WWOX: variants seen among roughly 807,000 people sequenced by gnomAD.
WWOX encodes the protein WW domain-containing oxidoreductase.
In WWOX, 69 loss-of-function variants were observed where a neutral mutation model predicts 46.2. The observed-to-expected ratio is 1.49, with a 90% CI of 1.23 to 1.82. The LOEUF is 1.82. Ranked by LOEUF, WWOX falls within the 40% of genes most tolerant of loss-of-function variation. The pLI, the probability that WWOX is intolerant of heterozygous loss-of-function variation, is 0.00. For synonymous variants in WWOX, 359 were observed against 202.6 expected, an observed-to-expected ratio of 1.77 and a Z score of -6.56; for missense variants, 919 against 542.6, an observed-to-expected ratio of 1.69 and a Z score of -6.89.
intron 8 of WWOX, among the ~76,000 whole-genome samples, chr16:78,760,166 C>T (rs1021705858): frequency 1.3e-5 from 2 of 152,170 alleles, no homozygotes; most frequent in African/African-American, 2.4e-5. Context: ...GCACATCTCA[C>T]ACGGCAGCAG....
intron 8 of WWOX, among the ~76,000 whole-genome samples, chr16:78,543,851 A>G (rs1374401670): frequency 1.3e-5 from 2 of 152,160 alleles, no homozygotes; most frequent in Non-Finnish European, 2.9e-5. Flanking sequence ...CTTCCTGCTT[A>G]TGACTCTGAA....
chr16:79,020,991 A>C (rs528668646), intron 8 of WWOX, among the ~76,000 whole-genome samples: 1 of 152,318 alleles, frequency 6.6e-6, no homozygotes, highest in East Asian at 1.9e-4. Context: ...AGGTCACCCC[A>C]AGTTATTCAG....
chr16:79,059,951 G>T (rs181940989), intron 8 of WWOX, among the ~76,000 whole-genome samples: 1 of 152,022 alleles, frequency 6.6e-6, no homozygotes, highest in Admixed American at 6.6e-5. Flanking sequence ...ACACTGAGAG[G>T]TCATTCATTT....
intron 8 of WWOX, among the ~76,000 whole-genome samples, chr16:78,653,078 C>A (rs947174499): frequency 6.6e-6 from 1 of 151,832 alleles, no homozygotes; most frequent in African/African-American, 2.4e-5. Flanking sequence ...TATTTTGTTG[C>A]ATGTTCTTTT....
chr16:79,181,343 A>G (rs566532971), intron 8 of WWOX, among the ~76,000 whole-genome samples: 16 of 152,324 alleles, frequency 1.1e-4, no homozygotes, highest in African/African-American at 3.8e-4. Context: ...TCCTCTGTTT[A>G]TGGGCATTCC....
At position 78,132,047 on chromosome 16, in the gene WWOX, C is replaced by G. The variant is rs373405252; in HGVS notation, c.409+16893C>G. ...TTTTTCTTTTTTTTTTTTTTTGAGA[C>G]AGAGTCTCACTCTGTCGCCCAGGCT... On this transcript the variant is annotated intron_variant, in intron 4 of 8. Transcript: ENST00000566780. Among the ~76,000 whole-genome samples, 1,043 of 123,852 alleles carry G rather than the reference C, an allele frequency of 8.4e-3. 26 individuals carry two copies. The highest frequency in any genetic ancestry group is 0.031 in the African/African-American group (1,009 of 32,040). 81.3% of individuals were successfully genotyped at this position (123,852 alleles called of 152,430 possible).
chr16:79,032,430 AGT>A (rs1449852217), intron 8 of WWOX, among the ~76,000 whole-genome samples: 1 of 147,214 alleles, frequency 6.8e-6, no homozygotes, highest in Non-Finnish European at 1.5e-5. Context: ...TTATGTTGAG[AGT>A]GTATATATTA....
intron 8 of WWOX, among the ~76,000 whole-genome samples, chr16:78,975,855 AC>A (rs1221606614): frequency 2.6e-5 from 4 of 151,968 alleles, no homozygotes; most frequent in African/African-American, 9.7e-5. Flanking sequence ...AACCGTAAGG[AC>A]CCTTGCCATT....
chr16:78,934,364 C>T (rs1357488128), intron 8 of WWOX, among the ~76,000 whole-genome samples: 5 of 111,612 alleles, frequency 4.5e-5, no homozygotes, highest in Non-Finnish European at 9.5e-5. Context: ...AGAAACTTAG[C>T]CAGGTGTGGT....
At chr16:78,116,129 T>G (rs1199366700) in intron 4 of WWOX, among the ~76,000 whole-genome samples, 2 of 152,228 alleles carry the variant, frequency 1.3e-5, no homozygotes, top group Non-Finnish European at 2.9e-5. Flanking sequence ...CCCTCAAGAA[T>G]TTATCCTTTG....
At chr16:78,629,236 T>G (rs2046374861) in intron 8 of WWOX, among the ~76,000 whole-genome samples, 1 of 151,612 alleles carries the variant, frequency 6.6e-6, no homozygotes, top group African/African-American at 2.4e-5. Flanking sequence ...TCTTGGGTAT[T>G]TTATTTTTTT....
chr16:78,411,190 T>C (rs1466468529), intron 6 of WWOX, among the ~76,000 whole-genome samples: 1 of 152,146 alleles, frequency 6.6e-6, no homozygotes, highest in South Asian at 2.1e-4. Flanking sequence ...TACACAAAAG[T>C]ATGAAAACCA....
At chr16:79,200,699 A>G (rs2051330501) in intron 8 of WWOX, among the ~76,000 whole-genome samples, 1 of 151,818 alleles carries the variant, frequency 6.6e-6, no homozygotes, top group Non-Finnish European at 1.5e-5. Context: ...TGAGCCTCAC[A>G]CTCCCTGGAC....
At chr16:78,604,100 C>A (rs1036663466) in intron 8 of WWOX, among the ~76,000 whole-genome samples, 2 of 151,984 alleles carry the variant, frequency 1.3e-5, no homozygotes, top group African/African-American at 2.4e-5. Context: ...GCTGTGATCA[C>A]GCCACTGAAT....
At chr16:78,665,777 T>C (rs553718808) in intron 8 of WWOX, among the ~76,000 whole-genome samples, 6 of 152,258 alleles carry the variant, frequency 3.9e-5, no homozygotes, top group African/African-American at 1.4e-4. Flanking sequence ...CTCCACCTCC[T>C]GGGTTCGAGT....
chr16:78,292,179 C>G (rs137994286), intron 5 of WWOX, among the ~76,000 whole-genome samples: 142 of 151,744 alleles, frequency 9.4e-4, no homozygotes, highest in African/African-American at 3.4e-3. Flanking sequence ...GTTTGCCACC[C>G]TCTGATCTAC....
At chr16:78,135,221 A>G (rs1435986612) in intron 4 of WWOX, among the ~76,000 whole-genome samples, 1 of 152,182 alleles carries the variant, frequency 6.6e-6, no homozygotes, top group Non-Finnish European at 1.5e-5. Flanking sequence ...TACCTAGCAA[A>G]GTGTTCACAT....
At chr16:78,983,479 G>C (rs919065823) in intron 8 of WWOX, among the ~76,000 whole-genome samples, 2 of 152,198 alleles carry the variant, frequency 1.3e-5, no homozygotes, top group Non-Finnish European at 2.9e-5. Context: ...TAATAGGAAA[G>C]ACCATCATGC....
intron 8 of WWOX, among the ~76,000 whole-genome samples, chr16:78,939,142 C>T (rs1567662877): frequency 6.6e-6 from 1 of 152,172 alleles, no homozygotes; most frequent in Admixed American, 6.5e-5. Context: ...GGCTCGAAGT[C>T]ACGTCCATGT....
Sources: gnomAD v4.1 joint callset for allele counts (sites outside exome capture counted in the v4.1 genomes callset) on GRCh38, gnomAD v4.1.1 for gene constraint, MANE v1.5 for transcripts, NCBI Gene and HGNC (gene_info 2026-07-23, HGNC 2026-07-21) for gene names.